Variants in HSD17B4 observed in about 807,000 individuals in gnomAD.
HSD17B4 encodes peroxisomal multifunctional enzyme type 2.
Under a neutral mutation model 101.0 loss-of-function variants are expected in HSD17B4, and 70 were observed. The observed-to-expected ratio is 0.69, with a 90% CI of 0.57 to 0.85. The LOEUF (loss-of-function observed/expected upper bound fraction) is 0.85, where lower values mean the gene tolerates loss of function less well. HSD17B4 is among the 40% of genes least tolerant of loss of function. HSD17B4 has a pLI of 0.00. For synonymous variants in HSD17B4, 347 were observed against 297.1 expected (o/e 1.17, Z -1.73); for missense variants, 984 against 892.4 (o/e 1.10, Z -1.31).
At chr5:119,468,948 T>A (rs1314722614) in intron 2 of HSD17B4, among the ~76,000 whole-genome samples, 1 of 151,968 alleles carries the variant, frequency 6.6e-6, no homozygotes, top group Non-Finnish European at 1.5e-5. Flanking sequence ...TGTTTTTTTT[T>A]TTCTTTTTCC....
intron 9 of HSD17B4, among the ~76,000 whole-genome samples, chr5:119,491,872 A>G (rs945504438): frequency 1.3e-5 from 2 of 152,132 alleles, no homozygotes; most frequent in South Asian, 2.1e-4. Flanking sequence ...ATTCTTTTCT[A>G]TTACATGCAT....
At chr5:119,499,619 ATCT>A in intron 13 of HSD17B4, 66 bp downstream of exon 13, 2 of 847,832 alleles carry the variant, frequency 2.4e-6, no homozygotes, top group South Asian at 2.7e-5. Context: ...TTAATGTCAT[ATCT>A]TATATATATG....
chr5:119,533,996 G>A (rs1027231697), intron 22 of HSD17B4, among the ~76,000 whole-genome samples: 9 of 152,034 alleles, frequency 5.9e-5, no homozygotes, highest in Non-Finnish European at 1.2e-4. Context: ...TATATTGTTT[G>A]TATGTATCCA....
chr5:119,454,413 C>A (rs1754386862), intron 1 of HSD17B4, among the ~76,000 whole-genome samples: 1 of 151,608 alleles, frequency 6.6e-6, no homozygotes, highest in Admixed American at 6.6e-5. Context: ...TCAAGTGATC[C>A]TTTTGCATCA....
intron 14 of HSD17B4, among the ~76,000 whole-genome samples, chr5:119,503,663 A>G (rs542352571): frequency 2.6e-5 from 4 of 152,068 alleles, no homozygotes; most frequent in African/African-American, 7.2e-5. Context: ...TGGTAGTGTC[A>G]TAGGCTGACT....
chr5:119,484,602 T>C (rs1749446003), intron 8 of HSD17B4, among the ~76,000 whole-genome samples: 2 of 152,198 alleles, frequency 1.3e-5, no homozygotes, highest in Non-Finnish European at 2.9e-5. Context: ...CATAATACTT[T>C]AAAAGTAGCT....
chr5:119,498,596 G>A (rs1750861634), intron 12 of HSD17B4, among the ~76,000 whole-genome samples: 1 of 123,410 alleles, frequency 8.1e-6, no homozygotes, highest in South Asian at 2.8e-4. Context: ...CATTATGAGG[G>A]ACTGGGCGCA....
chr5:119,456,125 T>A (rs1414858226), intron 1 of HSD17B4, among the ~76,000 whole-genome samples, 190 bp from the exon 2 acceptor site: 1 of 152,150 alleles, frequency 6.6e-6, no homozygotes, highest in Non-Finnish European at 1.5e-5. Flanking sequence ...AAATACAGTT[T>A]TAAGCTTTCC....
At chr5:119,459,455 C>A (rs1454255904) in intron 2 of HSD17B4, among the ~76,000 whole-genome samples, 1 of 152,214 alleles carries the variant, frequency 6.6e-6, no homozygotes, top group Non-Finnish European at 1.5e-5. Context: ...CAAGGCACAT[C>A]CTAGCCCCCT....
At chr5:119,455,566 C>A (rs11742193) in intron 1 of HSD17B4, among the ~76,000 whole-genome samples, 21,265 of 119,362 alleles carry the variant, frequency 0.18, 1,730 homozygotes, top group Non-Finnish European at 0.22. Context: ...CTCTCTCTCT[C>A]TCTATATATA....
chr5:119,460,830 G>C (rs1350021740), intron 2 of HSD17B4, among the ~76,000 whole-genome samples: 2 of 135,974 alleles, frequency 1.5e-5, no homozygotes, highest in Admixed American at 1.4e-4. Flanking sequence ...GAATGGAACA[G>C]AAAATGCTTT....
At chr5:119,504,662 A>G (rs1369358932) in intron 14 of HSD17B4, among the ~76,000 whole-genome samples, 1 of 152,084 alleles carries the variant, frequency 6.6e-6, no homozygotes, top group African/African-American at 2.4e-5. Context: ...CGTTCCTCAT[A>G]GATTCTAGAC....
intron 15 of HSD17B4, 130 bp from the exon 16 acceptor site, chr5:119,509,011 A>C: frequency 4.5e-6 from 3 of 666,340 alleles, no homozygotes; most frequent in Non-Finnish European, 8.1e-6. Flanking sequence ...ACACCTTTAC[A>C]TGTTAGAACT....
rs545729272 is a variant in HSD17B4 at position 119,478,709 on chromosome 5, G to A, written c.435-125G>A. ...TATTTTAGTTACATAAATCATGATC[G>A]TAAGAAGCTAATGACAGTACACATA... is the stretch of plus-strand genomic sequence containing the variant. On this transcript the variant is annotated intron_variant, in intron 7 of 23. Transcript: ENST00000510025. The A allele has an allele frequency of 1.0e-5, 7 of 672,228 alleles. No homozygotes were observed. In the Admixed American group the frequency reaches 1.1e-4, roughly 11 times the overall value. 41.6% of individuals were successfully genotyped at this position (672,228 alleles called of 1,614,324 possible). A position where few individuals can be genotyped will look rare whatever the true frequency, so the allele number is the denominator to read the frequency against.
At chr5:119,462,248 ATTTTTTTTTTTTTTTTTTTTT>A (rs10524491) in intron 2 of HSD17B4, among the ~76,000 whole-genome samples, 8 of 30,044 alleles carry the variant, frequency 2.7e-4, no homozygotes, top group Middle Eastern at 0.042. Context: ...AACAAATGTG[ATTTTTTTTTTTTTTTTTTTTT>A]TTTTTTTTTT....
In HSD17B4 at chr5:119,473,956, C is replaced by G. The variant is rs141517981; in HGVS notation, c.161C>G (p.Ala54Gly). 1.5e-5 allele frequency: 24 copies of G among 1,612,816 alleles called. No individual in the cohort carries two copies. Among genetic ancestry groups the G allele is most frequent in the Non-Finnish European group, 1.6e-5 (19 of 1,178,856 alleles). The change falls in exon 3 of 24, where the codon GCT becomes GGT. Residue 54 changes from alanine (A) to glycine (G), a missense_variant. Coordinates refer to ENST00000510025, the MANE Select transcript of HSD17B4 (RefSeq NM_000414.4). Reference protein sequence around the residue: ...DFKGVGKGSLAADKVVEEIRR... With the variant: ...DFKGVGKGSLGADKVVEEIRR... Reference sequence around the variant, plus strand: ...AAAGGAGTTGGTAAAGGCTCCTTAGCTGCTGATAAGGTTGTTGAAGAAATA... The same window carrying G: ...AAAGGAGTTGGTAAAGGCTCCTTAGGTGCTGATAAGGTTGTTGAAGAAATA...
In HSD17B4 at chr5:119,490,425, C is replaced by T. The variant is rs80319286; in HGVS notation, c.714+1142C>T. On this transcript the variant is annotated intron_variant, in intron 9 of 23. Transcript: ENST00000510025. Reference sequence around the variant, plus strand: ...ACTTTGTGAACAAAAATAATATGTGCTGTTTGTGAAAATTTCGAATATATA... The same window carrying T: ...ACTTTGTGAACAAAAATAATATGTGTTGTTTGTGAAAATTTCGAATATATA... 5.8e-3 allele frequency among the ~76,000 whole-genome samples: 875 copies of T among 152,156 alleles called. 6 individuals are homozygous for T. The highest frequency in any genetic ancestry group is 8.9e-3 in the Non-Finnish European group (605 of 68,012).
intron 16 of HSD17B4, 22 bp from the exon 17 acceptor site, chr5:119,514,959 A>G: frequency 7.5e-7 from 1 of 1,330,438 alleles, no homozygotes; most frequent in Non-Finnish European, 1.1e-6. Context: ...TTAAGATTTA[A>G]CATGTAATGT....
intron 8 of HSD17B4, among the ~76,000 whole-genome samples, chr5:119,486,360 C>T (rs1749609889): frequency 1.3e-5 from 2 of 152,052 alleles, no homozygotes; most frequent in South Asian, 2.1e-4. Context: ...GTCATGCAGC[C>T]CCCAAACTGG....
Sources: gnomAD v4.1 joint callset for allele counts (sites outside exome capture counted in the v4.1 genomes callset) on GRCh38, gnomAD v4.1.1 for gene constraint, MANE v1.5 for transcripts, NCBI Gene and HGNC (gene_info 2026-07-23, HGNC 2026-07-21) for gene names.